SMIM9: variants seen among roughly 807,000 people sequenced by gnomAD.
SMIM9 encodes the protein chromosome X open reading frame 68.
SMIM9 carries 8 observed loss-of-function variants against 7.2 expected under a neutral mutation model. The observed-to-expected ratio is 1.10, with a 90% CI of 0.65 to 1.99. SMIM9 has a LOEUF of 1.99. SMIM9 is among the 30% of genes most tolerant of loss of function. The probability of loss-of-function intolerance (pLI) is 0.00; values close to 1 mark genes in which losing one functional copy is unlikely to be tolerated. For synonymous variants in SMIM9, 19 were observed against 26.4 expected, an observed-to-expected ratio of 0.72 and a Z score of 0.86; for missense variants, 76 against 69.3, an observed-to-expected ratio of 1.10 and a Z score of -0.34.
At chrX:154,831,782 T>C (rs1297710317) in intron 2 of SMIM9, among the ~76,000 whole-genome samples, 1 of 110,237 alleles carries the variant, frequency 9.1e-6, no homozygotes, top group African/African-American at 3.4e-5. Flanking sequence ...CTTTTCCCTT[T>C]CCAGGGAATG....
At chrX:154,828,220 G>C (rs1302784274) in intron 4 of SMIM9, among the ~76,000 whole-genome samples, 2 of 111,714 alleles carry the variant, frequency 1.8e-5, no homozygotes, top group Non-Finnish European at 3.8e-5. Flanking sequence ...TCTGGGTGAT[G>C]CTTAGTTCTC....
At chrX:154,827,772 AC>A (rs2072427806) in intron 4 of SMIM9, among the ~76,000 whole-genome samples, 1 of 111,776 alleles carries the variant, frequency 8.9e-6, no homozygotes, top group Non-Finnish European at 1.9e-5. Context: ...GAACACAGCC[AC>A]CCTGTCATGC....
At chrX:154,825,633 C>A (rs782538151) in intron 4 of SMIM9, among the ~76,000 whole-genome samples, 2 of 109,314 alleles carry the variant, frequency 1.8e-5, no homozygotes, top group African/African-American at 6.7e-5. Context: ...ATGTTTATTG[C>A]GGCACTATTC....
chrX:154,832,287 G>A (rs947381621), intron 2 of SMIM9, among the ~76,000 whole-genome samples: 5 of 111,083 alleles, frequency 4.5e-5, no homozygotes, highest in Admixed American at 3.8e-4. Flanking sequence ...ATAGCTTTTG[G>A]GAAGGCTTTT....
chrX:154,828,872 A>T (rs890389649), intron 4 of SMIM9, among the ~76,000 whole-genome samples: 1 of 110,913 alleles, frequency 9.0e-6, no homozygotes, highest in Non-Finnish European at 1.9e-5. Flanking sequence ...TCTATTCTCT[A>T]TTCCCTTTTA....
At chrX:154,829,764 A>C in intron 3 of SMIM9, 100 bp from the exon 4 acceptor site, 1 of 919,221 alleles carries the variant, frequency 1.1e-6, no homozygotes, top group Non-Finnish European at 1.5e-6. Context: ...CCCAGATATC[A>C]TGTTCTTACA....
chrX:154,831,012 C>T, intron 2 of SMIM9, 57 bp from the exon 3 acceptor site: 3 of 581,664 alleles, frequency 5.2e-6, no homozygotes, highest in Non-Finnish European at 7.8e-6. Context: ...CTCACCATCA[C>T]GAACATAAGG....
chrX:154,831,104 A>C (rs782602739), intron 2 of SMIM9, 149 bp from the exon 3 acceptor site: 4 of 306,738 alleles, frequency 1.3e-5, no homozygotes, highest in East Asian at 1.1e-4. Flanking sequence ...AAAACAAAAC[A>C]AAACCTGACT....
At chrX:154,829,715 G>C in intron 3 of SMIM9, 51 bp from the exon 4 acceptor site, 1 of 1,134,992 alleles carries the variant, frequency 8.8e-7, no homozygotes, top group Non-Finnish European at 1.2e-6. Context: ...TAAATGATAG[G>C]GCTGGCGTTT....
At chrX:154,824,227 G>C (rs1212023336) in intron 4 of SMIM9, among the ~76,000 whole-genome samples, 1 of 108,777 alleles carries the variant, frequency 9.2e-6, no homozygotes, top group Non-Finnish European at 1.9e-5. Context: ...CGTGGTGGCG[G>C]GCGCCTGTAG....
At chrX:154,827,630 G>A (rs782059240) in intron 4 of SMIM9, among the ~76,000 whole-genome samples, 47 of 112,559 alleles carry the variant, frequency 4.2e-4, no homozygotes, top group African/African-American at 1.4e-3. Flanking sequence ...CTAACTGGAA[G>A]GAAGGTTAAG....
chrX:154,824,619 G>T (rs1346141541), intron 4 of SMIM9, among the ~76,000 whole-genome samples: 1 of 112,004 alleles, frequency 8.9e-6, no homozygotes, highest in Non-Finnish European at 1.9e-5. Context: ...TCATGAATAT[G>T]TTTCTGTGTA....
rs1403913511 is a variant in SMIM9, at chrX:154,830,877, G to T, written c.-21C>A. The T allele has an allele frequency of 1.8e-5, 21 of 1,157,813 alleles. No individual in the cohort carries two copies. In the East Asian group the frequency reaches 6.9e-4, roughly 38 times the overall value. On this transcript the variant is annotated 5_prime_UTR_variant, in exon 3 of 5. Coordinates refer to ENST00000369529, the MANE Select transcript of SMIM9 (RefSeq NM_001162936.4). Reference sequence around the variant, plus strand: ...TCCATGGACTCCCGCCTTCAGCTGCGGCTGAAGAGCTGGTAATCCTAGCTC... The same window carrying T: ...TCCATGGACTCCCGCCTTCAGCTGCTGCTGAAGAGCTGGTAATCCTAGCTC...
intron 4 of SMIM9, among the ~76,000 whole-genome samples, chrX:154,824,287 C>T (rs1448600405): frequency 1.2e-4 from 11 of 91,228 alleles, no homozygotes; most frequent in Non-Finnish European, 1.4e-4. Context: ...AACCCGGAGG[C>T]GGAGCTTGCA....
At chrX:154,826,415 C>T (rs1177704923) in intron 4 of SMIM9, among the ~76,000 whole-genome samples, 1 of 111,121 alleles carries the variant, frequency 9.0e-6, no homozygotes, top group Non-Finnish European at 1.9e-5. Flanking sequence ...TGTATTTCTG[C>T]ATATAGCATT....
chrX:154,826,480 C>G (rs782166684), intron 4 of SMIM9, among the ~76,000 whole-genome samples: 13 of 111,984 alleles, frequency 1.2e-4, no homozygotes, highest in Admixed American at 2.8e-4. Context: ...TGGTCTCAAA[C>G]TCCTGGCCTT....
chrX:154,829,443 A>C lies in SMIM9; in HGVS notation c.272+92T>G, dbSNP rs1449849923. On this transcript the variant is annotated intron_variant, in intron 4 of 4. Transcript: ENST00000369529. ...TTTCTTAAAACTTTCCCTTAATTACAGATATGCAGGCTGGTGAGCAACCTG... is the reference window on the plus strand; with the variant it reads ...TTTCTTAAAACTTTCCCTTAATTACCGATATGCAGGCTGGTGAGCAACCTG... 2.4e-5 allele frequency: 24 copies of C among 1,016,428 alleles called. No homozygotes were observed. In the African/African-American group the frequency reaches 4.1e-4, roughly 17 times the overall value. The allele number at this position is 1,016,428 out of a possible 1,213,427, so 83.8% of individuals were successfully genotyped here.
chrX:154,824,250 G>A (rs782435357), intron 4 of SMIM9, among the ~76,000 whole-genome samples: 7 of 107,859 alleles, frequency 6.5e-5, no homozygotes, highest in Non-Finnish European at 1.9e-5. Flanking sequence ...CCAGCTACTC[G>A]GGAGGCTGAG....
chrX:154,832,939 G>A (rs185735521), intron 1 of SMIM9, among the ~76,000 whole-genome samples: 1 of 111,871 alleles, frequency 8.9e-6, no homozygotes, highest in East Asian at 2.8e-4. Flanking sequence ...TTCATATCAG[G>A]GAAAAAGACC....
Sources: allele counts gnomAD v4.1 joint callset (sites outside exome capture counted in the v4.1 genomes callset), GRCh38; gene constraint gnomAD v4.1.1; transcripts MANE v1.5; gene names NCBI Gene and HGNC (gene_info 2026-07-23, HGNC 2026-07-21).